MFHAS1: variants seen among roughly 807,000 people sequenced by gnomAD.
MFHAS1 encodes multifunctional ROCO family signaling regulator 1, also known as malignant fibrous histiocytoma-amplified sequence 1.
MFHAS1 carries 50 observed loss-of-function variants against 70.4 expected under a neutral mutation model. That is an observed-to-expected ratio of 0.71 (90% CI 0.57 to 0.90). MFHAS1 has a LOEUF of 0.90. Among genes scored for constraint, MFHAS1 ranks in the 40% least tolerant of loss-of-function variants. MFHAS1 has a pLI of 0.00. For synonymous variants in MFHAS1, 952 were observed against 620.0 expected (o/e 1.54, Z -7.96); for missense variants, 1,795 against 1,347.6 (o/e 1.33, Z -5.20).
At chr8:8,799,832 C>T (rs190992658) in intron 1 of MFHAS1, among the ~76,000 whole-genome samples, 1 of 152,170 alleles carries the variant, frequency 6.6e-6, no homozygotes, top group Non-Finnish European at 1.5e-5. Flanking sequence ...TAGCGCAGGC[C>T]CATATCAGCA....
chr8:8,832,062 G>GCA (rs59984727), intron 1 of MFHAS1, among the ~76,000 whole-genome samples: 2,135 of 149,572 alleles, frequency 0.014, 31 homozygotes, highest in African/African-American at 0.038. Context: ...GCGCGCGCGC[G>GCA]CACACACACA....
At chr8:8,867,563 CT>C (rs895280359) in intron 1 of MFHAS1, among the ~76,000 whole-genome samples, 293 of 144,122 alleles carry the variant, frequency 2.0e-3, no homozygotes, top group East Asian at 3.8e-3. Context: ...AATTGCTATA[CT>C]TTTTTTTTTT....
At chr8:8,858,996 A>G (rs1808559832) in intron 1 of MFHAS1, among the ~76,000 whole-genome samples, 1 of 152,230 alleles carries the variant, frequency 6.6e-6, no homozygotes, top group Non-Finnish European at 1.5e-5. Context: ...TTACATATGC[A>G]CACACATACA....
intron 1 of MFHAS1, among the ~76,000 whole-genome samples, chr8:8,837,628 G>A (rs1807646990): frequency 6.6e-6 from 1 of 151,644 alleles, no homozygotes; most frequent in African/African-American, 2.4e-5. Context: ...GGGCGACAGA[G>A]TGAGACCCCA....
chr8:8,880,202 C>T (rs1809461781), intron 1 of MFHAS1, among the ~76,000 whole-genome samples: 1 of 152,150 alleles, frequency 6.6e-6, no homozygotes, highest in Admixed American at 6.5e-5. Context: ...AAAACCCCTA[C>T]TCTTAAGTTA....
At chr8:8,787,327 A>T (rs558429014) in intron 2 of MFHAS1, among the ~76,000 whole-genome samples, 1 of 152,052 alleles carries the variant, frequency 6.6e-6, no homozygotes, top group Non-Finnish European at 1.5e-5. Flanking sequence ...TGATCCGCCC[A>T]CCTTGGCCTC....
chr8:8,811,847 C>A (rs1806560198), intron 1 of MFHAS1, among the ~76,000 whole-genome samples: 3 of 152,242 alleles, frequency 2.0e-5, no homozygotes, highest in African/African-American at 7.2e-5. Flanking sequence ...GAATCCGACA[C>A]TGGTGGGGCA....
chr8:8,809,983 C>A (rs1311543223), intron 1 of MFHAS1, among the ~76,000 whole-genome samples: 1 of 152,204 alleles, frequency 6.6e-6, no homozygotes, highest in Non-Finnish European at 1.5e-5. Flanking sequence ...ACCCTTATGA[C>A]CTGAAATTAT....
At chr8:8,885,217 A>G (rs1809708195) in intron 1 of MFHAS1, among the ~76,000 whole-genome samples, 1 of 152,234 alleles carries the variant, frequency 6.6e-6, no homozygotes, top group Non-Finnish European at 1.5e-5. Context: ...AAAGGCATCA[A>G]GTTACTGAGT....
At position 8,892,611 on chromosome 8, in the gene MFHAS1, G is replaced by T; in HGVS notation, c.448C>A (p.Leu150Met). The T allele has an allele frequency of 6.2e-7, 1 of 1,608,414 alleles. No homozygotes were observed. The highest frequency in any genetic ancestry group is 8.5e-7 in the Non-Finnish European group (1 of 1,177,932). ...GCGAGAGCGCCCAGCTGGGCGGGCA[G>T]GGCGGGCAGCTGGTTGTGGCTGAGG... ...LNLSHNQLPA[L>M]PAQLGALAHL... is the part of the protein sequence containing the mutation. Residue 150 changes from leucine to methionine, a missense_variant, in exon 1 of 3, where the codon CTG (leucine) becomes ATG (methionine). By Grantham distance (15) the Leu-to-Met change is conservative (BLOSUM62 2). Coordinates refer to ENST00000276282, the MANE Select transcript of MFHAS1 (RefSeq NM_004225.3). This position sits in a 1 kb window ranked among gnomAD's most constrained non-coding sequence, Gnocchi z 4.7.
chr8:8,866,346 G>T lies in MFHAS1; in HGVS notation c.2998+23715C>A, dbSNP rs190061415. On this transcript the variant is annotated intron_variant, in intron 1 of 2. Coordinates refer to ENST00000276282, the MANE Select transcript of MFHAS1 (RefSeq NM_004225.3). ...TTTTTTTTTTTCTTTTTTGAGACAG[G>T]GTCTTACTGTCCTCTAGGCTGGAGT... is the stretch of plus-strand genomic sequence containing the variant. Among the ~76,000 whole-genome samples, 130 of 151,120 alleles carry T rather than the reference G, an allele frequency of 8.6e-4. 3 individuals carry two copies. In the East Asian group the frequency reaches 0.022, roughly 26 times the overall value.
chr8:8,858,630 C>T (rs1808540633), intron 1 of MFHAS1, among the ~76,000 whole-genome samples: 1 of 152,074 alleles, frequency 6.6e-6, no homozygotes, highest in Non-Finnish European at 1.5e-5. Context: ...ATAGACAGTC[C>T]TCCCTCGGTA....
intron 1 of MFHAS1, among the ~76,000 whole-genome samples, chr8:8,831,432 C>T (rs919463659): frequency 1.3e-5 from 2 of 152,044 alleles, no homozygotes; most frequent in East Asian, 1.9e-4. Flanking sequence ...TACAGCCATA[C>T]TACCTGATCT....
At chr8:8,824,853 G>T (rs1807097687) in intron 1 of MFHAS1, among the ~76,000 whole-genome samples, 1 of 152,234 alleles carries the variant, frequency 6.6e-6, no homozygotes, top group African/African-American at 2.4e-5. Flanking sequence ...CAGGAAGGAG[G>T]TGTGCACAGC....
intron 1 of MFHAS1, among the ~76,000 whole-genome samples, chr8:8,883,231 A>G (rs1809598604): frequency 6.6e-6 from 1 of 152,210 alleles, no homozygotes; most frequent in African/African-American, 2.4e-5. Context: ...TGTGCTTTCC[A>G]CAAAGACTGG....
chr8:8,815,772 T>G (rs371920160), intron 1 of MFHAS1, among the ~76,000 whole-genome samples: 1 of 152,170 alleles, frequency 6.6e-6, no homozygotes, highest in South Asian at 2.1e-4. Flanking sequence ...AACATACACC[T>G]ACCATGTTAC....
intron 1 of MFHAS1, among the ~76,000 whole-genome samples, chr8:8,840,228 G>A (rs565579849): frequency 5.3e-4 from 80 of 152,108 alleles, no homozygotes; most frequent in Non-Finnish European, 1.0e-3. Context: ...AGGCCGAAGC[G>A]GGCAGATCAC....
At position 8,891,494 on chromosome 8, in the gene MFHAS1, C is replaced by A. The variant is rs771755259; in HGVS notation, c.1565G>T (p.Arg522Leu). 1.2e-5 allele frequency: 20 copies of A among 1,612,926 alleles called. No homozygotes were observed. The highest frequency in any genetic ancestry group is 1.7e-5 in the Non-Finnish European group (20 of 1,180,032). Residue 522 changes from arginine (R) to leucine (L), a missense_variant, in exon 1 of 3, where the codon CGG becomes CTG. Transcript: ENST00000276282. The surrounding 1 kb of genome is among the most constrained non-coding windows in gnomAD (Gnocchi z 5.4). Reference protein sequence around the residue: ...FPTTVGSFLHRVGARVPHAVV... With the variant: ...FPTTVGSFLHLVGARVPHAVV... ...CGCGTGGGGCACTCTCGCCCCGACC[C>A]GATGCAAGAAGGAGCCCACGGTGGT...
chr8:8,874,387 A>G lies in MFHAS1; in HGVS notation c.2998+15674T>C, dbSNP rs80102241. 7.0e-3 allele frequency among the ~76,000 whole-genome samples: 1,063 copies of G among 151,904 alleles called. 19 individuals carry two copies. Among genetic ancestry groups the G allele is most frequent in the African/African-American group, 0.025 (1,025 of 41,390 alleles). The stretch of plus-strand genomic sequence containing the variant: ...ACACACACACACATAATAATCTTCT[A>G]TAACAGGGTTCTAACTGTTCATATG... On this transcript the variant is annotated intron_variant, in intron 1 of 2. Coordinates refer to ENST00000276282, the MANE Select transcript of MFHAS1 (RefSeq NM_004225.3).
Sources: gnomAD v4.1 joint callset for allele counts (sites outside exome capture counted in the v4.1 genomes callset) on GRCh38, gnomAD v4.1.1 for gene constraint, Gnocchi (gnomAD v3.1) non-coding constraint, MANE v1.5 for transcripts, NCBI Gene and HGNC (gene_info 2026-07-23, HGNC 2026-07-21) for gene names.